Variants in PCSK5 observed in about 807,000 individuals in gnomAD.
PCSK5 encodes proprotein convertase subtilisin/kexin type 5.
PCSK5 carries 129 observed loss-of-function variants against 233.2 expected under a neutral mutation model. The observed-to-expected ratio is 0.55, with a 90% CI of 0.48 to 0.64. PCSK5 has a LOEUF of 0.64. Ranked by LOEUF, PCSK5 falls within the 30% of genes least tolerant of loss-of-function variation. The probability of loss-of-function intolerance (pLI) is 0.00; values close to 1 mark genes in which losing one functional copy is unlikely to be tolerated. For missense variants in PCSK5, 2,076 were observed against 2,430.1 expected (o/e 0.85, Z 3.06); for synonymous variants, 825 against 879.2 (o/e 0.94, Z 1.09).
rs570501243 is a variant in PCSK5 at position 75,949,673 on chromosome 9, G to A, written c.297+17190G>A. Among the ~76,000 whole-genome samples, 9 of 151,960 alleles carry A rather than the reference G, an allele frequency of 5.9e-5. No homozygotes were observed. In the South Asian group the frequency reaches 6.2e-4, roughly 11 times the overall value. On this transcript the variant is annotated intron_variant, in intron 2 of 37. Coordinates refer to ENST00000674117, the MANE Select transcript of PCSK5 (RefSeq NM_001372043.1). ...CTCCCAAGTAGCTGGGACTATAGGC[G>A]CGCACCACCACCCCCAGCTAACTTT...
At chr9:76,209,122 G>A (rs968564605) in intron 20 of PCSK5, among the ~76,000 whole-genome samples, 2 of 152,194 alleles carry the variant, frequency 1.3e-5, no homozygotes, top group African/African-American at 4.8e-5. Context: ...TAGGGCTGGT[G>A]TGCTCTGAAG....
At chr9:76,135,340 C>A (rs1273754781) in intron 10 of PCSK5, among the ~76,000 whole-genome samples, 1 of 151,868 alleles carries the variant, frequency 6.6e-6, no homozygotes, top group Non-Finnish European at 1.5e-5. Flanking sequence ...GAAACAAAAC[C>A]TATAAATATC....
chr9:76,327,412 C>G (rs1385180783), intron 32 of PCSK5, among the ~76,000 whole-genome samples: 1 of 152,152 alleles, frequency 6.6e-6, no homozygotes, highest in Non-Finnish European at 1.5e-5. Flanking sequence ...CAGCCCCCGT[C>G]TCTAGTTAAA....
In PCSK5 at chr9:76,323,127, G is replaced by A. The variant is rs2495207; in HGVS notation, c.4178G>A (p.Arg1393His). The A allele has an allele frequency of 0.34, 542,797 of 1,609,446 alleles. 93,822 individuals carry two copies. The highest frequency in any genetic ancestry group is 0.44 in the African/African-American group (33,050 of 74,832). ...SCPRGFYADS[R>H]HCVPCHKDCL... Reference sequence around the variant, plus strand: ...CCCCGTGGCTTCTATGCAGACTCGCGCCACTGTGTCCCCTGCCATAAAGAC... The same window carrying A: ...CCCCGTGGCTTCTATGCAGACTCGCACCACTGTGTCCCCTGCCATAAAGAC... Residue 1393 changes from arginine (R) to histidine (H), a missense_variant, in exon 32 of 38, where the codon CGC becomes CAC. Around this residue, in one of 6 missense-constraint regions of PCSK5, gnomAD observed 1,510 missense variants for 1,538.1 expected, o/e 0.98. Coordinates refer to ENST00000674117, the MANE Select transcript of PCSK5 (RefSeq NM_001372043.1).
At chr9:76,254,586 G>A (rs1826917182) in intron 24 of PCSK5, among the ~76,000 whole-genome samples, 1 of 152,132 alleles carries the variant, frequency 6.6e-6, no homozygotes, top group South Asian at 2.1e-4. Context: ...ATAGTCAATA[G>A]GTAGGCTGTC....
chr9:76,213,348 A>G (rs1285307235), intron 20 of PCSK5, among the ~76,000 whole-genome samples: 2 of 152,210 alleles, frequency 1.3e-5, no homozygotes, highest in African/African-American at 4.8e-5. Context: ...GTATTCATTC[A>G]AACACTGAGC....
chr9:76,048,921 A>T (rs984061417), intron 5 of PCSK5, among the ~76,000 whole-genome samples: 3 of 152,184 alleles, frequency 2.0e-5, no homozygotes, highest in Admixed American at 6.5e-5. Flanking sequence ...TAGCGAGTGG[A>T]GGTAGAAAAG....
rs114122892 is a variant in PCSK5 at position 76,228,636 on chromosome 9, G to C, written c.2729+1031G>C. 5.2e-3 allele frequency among the ~76,000 whole-genome samples: 794 copies of C among 152,346 alleles called. 4 individuals are homozygous for C. Among genetic ancestry groups the C allele is most frequent in the African/African-American group, 0.018 (729 of 41,584 alleles). ...AAGCTGGAGGCCTGTTTTATTTTCA[G>C]TCAATGCTCCTCTGAGCCTAGCACT... On this transcript the variant is annotated intron_variant, in intron 21 of 37. Coordinates refer to ENST00000674117, the MANE Select transcript of PCSK5 (RefSeq NM_001372043.1).
At chr9:76,034,478 G>A (rs1020847172) in intron 5 of PCSK5, among the ~76,000 whole-genome samples, 2 of 151,818 alleles carry the variant, frequency 1.3e-5, no homozygotes, top group African/African-American at 2.4e-5. Flanking sequence ...CCTTATTATC[G>A]AGTCTATTCT....
rs547201124 is a variant in PCSK5 at position 76,292,258 on chromosome 9, C to T, written c.3168C>T (p.Cys1056=). ...SLDDPGTCTS[C]AMGYYRFDHH... ...ATGATCCAGGAACATGTACATCTTG[C>T]GCTATGGGGTATTACAGGTAAGTCT... The change falls in exon 25 of 38, where the codon TGC becomes TGT. Residue 1056 remains cysteine, a synonymous_variant. Coordinates refer to ENST00000674117, the MANE Select transcript of PCSK5 (RefSeq NM_001372043.1). 2.2e-5 allele frequency: 35 copies of T among 1,578,604 alleles called. No homozygotes were observed. Among genetic ancestry groups the T allele is most frequent in the Non-Finnish European group, 2.7e-5 (31 of 1,149,410 alleles).
intron 3 of PCSK5, among the ~76,000 whole-genome samples, chr9:76,005,314 G>A (rs1017573189): frequency 3.9e-5 from 6 of 151,960 alleles, no homozygotes; most frequent in African/African-American, 1.5e-4. Context: ...AATACAGTTA[G>A]GTTAATTTTC....
In PCSK5 at chr9:76,239,170, G is replaced by C. The variant is rs1208197090; in HGVS notation, c.3073+5G>C. The C allele has an allele frequency of 1.9e-6, 3 of 1,566,952 alleles. No individual in the cohort carries two copies. Among genetic ancestry groups the C allele is most frequent in the Non-Finnish European group, 2.6e-6 (3 of 1,156,218 alleles). ...AGAAGTTAGAGTGTGGACAAGGTAA[G>C]CCTGCTCCTGGGCCCTTGCCCAGCA... is the stretch of plus-strand genomic sequence containing the variant. On this transcript the variant is annotated splice_donor_5th_base_variant and intron_variant, in intron 23 of 37. Coordinates refer to ENST00000674117, the MANE Select transcript of PCSK5 (RefSeq NM_001372043.1).
chr9:76,180,378 T>C (rs1296725508), intron 15 of PCSK5, among the ~76,000 whole-genome samples: 1 of 152,078 alleles, frequency 6.6e-6, no homozygotes, highest in South Asian at 2.1e-4. Context: ...AAGATGCCAA[T>C]GCACAGGCCA....
intron 2 of PCSK5, among the ~76,000 whole-genome samples, chr9:75,947,212 A>AT (rs1824617520): frequency 6.6e-6 from 1 of 152,214 alleles, no homozygotes; most frequent in African/African-American, 2.4e-5. Flanking sequence ...TAAGGAGTTA[A>AT]AAACTTTATG....
At chr9:76,246,898 T>C (rs1826623652) in intron 24 of PCSK5, among the ~76,000 whole-genome samples, 1 of 152,232 alleles carries the variant, frequency 6.6e-6, no homozygotes, top group African/African-American at 2.4e-5. Context: ...ACTTCCAAAA[T>C]GGCGGCAGGC....
intron 5 of PCSK5, among the ~76,000 whole-genome samples, chr9:76,062,635 G>T (rs1205620552): frequency 6.6e-6 from 1 of 151,876 alleles, no homozygotes; most frequent in Non-Finnish European, 1.5e-5. Flanking sequence ...AAATTTAATT[G>T]TTTATAGTAC....
intron 23 of PCSK5, 122 bp downstream of exon 23, chr9:76,239,287 G>A: frequency 2.6e-6 from 2 of 761,534 alleles, no homozygotes; most frequent in Non-Finnish European, 2.2e-6. Flanking sequence ...ATGATTTTGG[G>A]TGACTCCCAA....
At chr9:76,179,500 G>C (rs1290460244) in intron 14 of PCSK5, 96 bp from the exon 15 acceptor site, 1 of 712,094 alleles carries the variant, frequency 1.4e-6, no homozygotes, top group Non-Finnish European at 2.3e-6. Flanking sequence ...CTCTGCATAA[G>C]AAAAAAAAAA....
Position 76,184,663 on chromosome 9 carries a change from T to TTTTTAA in PCSK5, c.2198-9_2198-4dup, listed in dbSNP as rs760109707. 1 of 1,590,048 alleles carries TTTTTAA rather than the reference T, an allele frequency of 6.3e-7. No individual in the cohort carries two copies. Among genetic ancestry groups the TTTTTAA allele is most frequent in the East Asian group, 2.2e-5 (1 of 44,644 alleles). The stretch of plus-strand genomic sequence containing the variant: ...CCAACTGATTTACAACTTTCTCTTT[T>TTTTTAA]TTTTAACAGAGAAAAATCTTTGCCG... On this transcript the variant is annotated splice_polypyrimidine_tract_variant and intron_variant, in intron 16 of 37. Transcript: ENST00000674117.
Sources: allele counts gnomAD v4.1 joint callset (sites outside exome capture counted in the v4.1 genomes callset), GRCh38; gene constraint gnomAD v4.1.1; regional missense constraint gnomAD v4.1.1; transcripts MANE v1.5; gene names NCBI Gene and HGNC (gene_info 2026-07-23, HGNC 2026-07-21).